The following SNTG1 variants were observed in gnomAD, a reference collection of about 807,000 sequenced individuals.
SNTG1 encodes the protein syntrophin gamma 1.
SNTG1 carries 39 observed loss-of-function variants against 74.7 expected under a neutral mutation model. The ratio of observed to expected loss-of-function variants is 0.52; its 90% CI spans 0.40 to 0.68. SNTG1 has a LOEUF of 0.68. Ranked by LOEUF, SNTG1 falls within the 30% of genes least tolerant of loss-of-function variation. The pLI is 0.00. For synonymous variants in SNTG1, 254 were observed against 217.1 expected (o/e 1.17, Z -1.49); for missense variants, 685 against 609.5 (o/e 1.12, Z -1.30).
At chr8:49,995,974 C>A (rs1814172588) in intron 1 of SNTG1, among the ~76,000 whole-genome samples, 1 of 152,002 alleles carries the variant, frequency 6.6e-6, no homozygotes, top group South Asian at 2.1e-4. Context: ...ATGCTGATAG[C>A]CAGGGAGTAG....
At chr8:50,348,764 T>G (rs2091558827) in intron 2 of SNTG1, among the ~76,000 whole-genome samples, 1 of 152,248 alleles carries the variant, frequency 6.6e-6, no homozygotes, top group Non-Finnish European at 1.5e-5. Flanking sequence ...TTACACTGAT[T>G]TTTCCCCTTC....
chr8:50,418,478 C>T (rs77863789), intron 4 of SNTG1, among the ~76,000 whole-genome samples: 13,236 of 151,988 alleles, frequency 0.087, 1,724 homozygotes, highest in African/African-American at 0.29. Flanking sequence ...TAGTTCTTTA[C>T]GTTATTCTTT....
At chr8:50,530,307 G>A (rs2094256615) in intron 10 of SNTG1, 48 bp downstream of exon 10, 1 of 1,562,568 alleles carries the variant, frequency 6.4e-7, no homozygotes, top group Non-Finnish European at 8.8e-7. Flanking sequence ...ATAACACATA[G>A]CTTATAAAAA....
intron 1 of SNTG1, among the ~76,000 whole-genome samples, chr8:49,974,885 G>A (rs1047609382): frequency 6.6e-6 from 1 of 152,092 alleles, no homozygotes; most frequent in Non-Finnish European, 1.5e-5. Context: ...GAAATGTAGA[G>A]TAAAACAAAA....
intron 17 of SNTG1, among the ~76,000 whole-genome samples, chr8:50,710,922 A>C (rs2131558455): frequency 6.6e-6 from 1 of 152,352 alleles, no homozygotes; most frequent in East Asian, 1.9e-4. Context: ...TTTCATTGGA[A>C]GCATCTAACT....
intron 9 of SNTG1, among the ~76,000 whole-genome samples, chr8:50,513,534 C>T (rs1019772143): frequency 2.0e-5 from 3 of 152,370 alleles, no homozygotes; most frequent in Admixed American, 1.3e-4. Flanking sequence ...CAAAGGCAGG[C>T]AGGCCTCTTT....
At chr8:50,768,503 G>A (rs1156294033) in intron 18 of SNTG1, among the ~76,000 whole-genome samples, 3 of 152,004 alleles carry the variant, frequency 2.0e-5, no homozygotes, top group African/African-American at 7.2e-5. Flanking sequence ...TTTGGCACTT[G>A]AGTCTTATAA....
chr8:50,267,528 G>GA (rs1435479778), intron 2 of SNTG1, among the ~76,000 whole-genome samples: 1 of 152,072 alleles, frequency 6.6e-6, no homozygotes, highest in Admixed American at 6.6e-5. Flanking sequence ...GTGAGGTTGA[G>GA]AAAAAATTAG....
At chr8:50,216,241 G>T (rs2084786707) in intron 2 of SNTG1, among the ~76,000 whole-genome samples, 1 of 152,130 alleles carries the variant, frequency 6.6e-6, no homozygotes, top group Admixed American at 6.6e-5. Context: ...TTTACATATT[G>T]CTGATCTCTT....
At chr8:49,924,007 T>A (rs990863128) in intron 1 of SNTG1, among the ~76,000 whole-genome samples, 1 of 152,166 alleles carries the variant, frequency 6.6e-6, no homozygotes, top group Non-Finnish European at 1.5e-5. Context: ...ATAAATGTGT[T>A]TTTGTTAATA....
intron 1 of SNTG1, among the ~76,000 whole-genome samples, chr8:49,996,754 C>T (rs1488461061): frequency 6.6e-6 from 1 of 151,992 alleles, no homozygotes; most frequent in Non-Finnish European, 1.5e-5. Flanking sequence ...TTTCACAGAC[C>T]TTGAATTTTT....
chr8:50,402,496 G>T, intron 4 of SNTG1, 152 bp downstream of exon 4: 1 of 936,928 alleles, frequency 1.1e-6, no homozygotes. Context: ...GTAATCAGCG[G>T]CCCTGTACGA....
intron 1 of SNTG1, among the ~76,000 whole-genome samples, chr8:50,002,645 A>C (rs1400893275): frequency 2.0e-5 from 3 of 152,156 alleles, no homozygotes; most frequent in Admixed American, 1.3e-4. Flanking sequence ...TTTATTTAAG[A>C]GATTACACAT....
intron 2 of SNTG1, among the ~76,000 whole-genome samples, chr8:50,199,219 T>C (rs1214810869): frequency 8.6e-6 from 1 of 116,592 alleles, no homozygotes; most frequent in East Asian, 2.7e-4. Context: ...CTTAATTTCC[T>C]TTTTTTTTTT....
Position 50,755,954 on chromosome 8 carries a change from G to A in SNTG1, c.1395+3843G>A, listed in dbSNP as rs188705960. Among the ~76,000 whole-genome samples, 140 of 151,614 alleles carry A rather than the reference G, an allele frequency of 9.2e-4. 2 individuals carry two copies. Among genetic ancestry groups the A allele is most frequent in the Middle Eastern group, 6.8e-3 (2 of 292 alleles). ...TGGCCCATTTTTAATATTTTCATAC[G>A]CTAATTTTCATCTGTATATATTCTT... On this transcript the variant is annotated intron_variant, in intron 18 of 18. Coordinates refer to ENST00000642720, the MANE Select transcript of SNTG1 (RefSeq NM_018967.5).
At chr8:50,382,789 G>A (rs1362369000) in intron 2 of SNTG1, among the ~76,000 whole-genome samples, 1 of 152,146 alleles carries the variant, frequency 6.6e-6, no homozygotes, top group Non-Finnish European at 1.5e-5. Context: ...CTATGTATGT[G>A]TACACATATT....
chr8:50,546,229 T>C (rs1377402414), intron 11 of SNTG1, among the ~76,000 whole-genome samples: 3 of 141,120 alleles, frequency 2.1e-5, no homozygotes, highest in African/African-American at 8.9e-5. Flanking sequence ...TAGAAGCAAA[T>C]TGATAAAAAA....
intron 2 of SNTG1, among the ~76,000 whole-genome samples, chr8:50,334,332 A>C (rs1460435151): frequency 6.6e-5 from 10 of 152,292 alleles, no homozygotes; most frequent in Non-Finnish European, 1.3e-4. Context: ...AAAGCAAATA[A>C]AGCAAAGTTG....
intron 2 of SNTG1, among the ~76,000 whole-genome samples, chr8:50,305,900 A>AT (rs1330868538): frequency 1.2e-4 from 10 of 85,584 alleles, no homozygotes; most frequent in Middle Eastern, 0.011. Flanking sequence ...TGTTATATTT[A>AT]TTTAAAAAAA....
Sources: gnomAD v4.1 joint callset for allele counts (sites outside exome capture counted in the v4.1 genomes callset) on GRCh38, gnomAD v4.1.1 for gene constraint, MANE v1.5 for transcripts, NCBI Gene and HGNC (gene_info 2026-07-23, HGNC 2026-07-21) for gene names.